The following BCAS3 variants were observed in gnomAD, a reference collection of about 807,000 sequenced individuals.
The protein encoded by BCAS3 is BCAS4/BCAS3 fusion.
Under a neutral mutation model 116.1 loss-of-function variants are expected in BCAS3, and 53 were observed. The ratio of observed to expected loss-of-function variants is 0.46; its 90% confidence interval spans 0.37 to 0.57. The LOEUF is 0.57. BCAS3 is among the 20% of genes least tolerant of loss of function. The pLI is 0.00. For synonymous variants in BCAS3, 391 were observed against 408.2 expected (o/e 0.96, Z 0.51); for missense variants, 917 against 1,165.4 (o/e 0.79, Z 3.10).
At chr17:60,725,340 C>T (rs1489601633) in intron 5 of BCAS3, among the ~76,000 whole-genome samples, 2 of 152,140 alleles carry the variant, frequency 1.3e-5, no homozygotes, top group East Asian at 3.8e-4. Context: ...TTGCTCTTTG[C>T]TTTAAATCTA....
At chr17:61,070,125 T>G in intron 19 of BCAS3, 2 of 1,573,070 alleles carry the variant, frequency 1.3e-6, no homozygotes, top group Non-Finnish European at 1.7e-6. Context: ...CCACTGAGTC[T>G]GCCATGAAGA....
At chr17:60,797,690 C>T (rs757361655) in intron 6 of BCAS3, among the ~76,000 whole-genome samples, 8 of 152,094 alleles carry the variant, frequency 5.3e-5, no homozygotes, top group Non-Finnish European at 1.0e-4. Context: ...CCTAGCCCCC[C>T]ACCTCCCGAC....
chr17:60,742,426 CTTTTTTT>C (rs1173664552), intron 5 of BCAS3, among the ~76,000 whole-genome samples: 19 of 103,450 alleles, frequency 1.8e-4, no homozygotes, highest in Non-Finnish European at 2.1e-4. Context: ...TCCTTGACAT[CTTTTTTT>C]TTTTTTTTTT....
intron 22 of BCAS3, among the ~76,000 whole-genome samples, chr17:61,125,075 C>A (rs564923495): frequency 1.3e-5 from 2 of 152,108 alleles, no homozygotes; most frequent in African/African-American, 4.8e-5. Context: ...AAATAATCAA[C>A]CTTTAATTTT....
At chr17:60,685,990 C>T (rs1339224613) in intron 3 of BCAS3, among the ~76,000 whole-genome samples, 1 of 151,926 alleles carries the variant, frequency 6.6e-6, no homozygotes, top group Non-Finnish European at 1.5e-5. Flanking sequence ...CTGCCTCAGC[C>T]TCCCGAGTAG....
At chr17:60,959,916 C>CT (rs1362643159) in intron 14 of BCAS3, among the ~76,000 whole-genome samples, 3 of 152,182 alleles carry the variant, frequency 2.0e-5, no homozygotes, top group African/African-American at 7.2e-5. Context: ...CACTCAGTCT[C>CT]TGTCTCTCTG....
At chr17:61,168,497 T>TTA (rs1314498454) in intron 22 of BCAS3, among the ~76,000 whole-genome samples, 1 of 152,216 alleles carries the variant, frequency 6.6e-6, no homozygotes, top group East Asian at 1.9e-4. Context: ...TCTCACCTTT[T>TTA]CAAATATTTA....
rs948648199 is a variant in BCAS3 at position 61,051,335 on chromosome 17, G to A, written c.2029+10443G>A. Among the ~76,000 whole-genome samples, 3 of 150,434 alleles carry A rather than the reference G, an allele frequency of 2.0e-5. No homozygotes were observed. The highest frequency in any genetic ancestry group is 4.5e-5 in the Non-Finnish European group (3 of 66,968). ...TGTGGCTATATAGAGTTATTACAAGGTTGATCTTTGTGGTGATAGGACAGT... is the reference window on the plus strand; with the variant it reads ...TGTGGCTATATAGAGTTATTACAAGATTGATCTTTGTGGTGATAGGACAGT... On this transcript the variant is annotated intron_variant, in intron 19 of 23. Coordinates refer to ENST00000407086, the MANE Select transcript of BCAS3 (RefSeq NM_017679.5). This position sits in a 1 kb window ranked among gnomAD's most constrained non-coding sequence, Gnocchi z 4.1.
At chr17:60,822,113 T>C (rs866511867) in intron 7 of BCAS3, among the ~76,000 whole-genome samples, 97 of 152,230 alleles carry the variant, frequency 6.4e-4, no homozygotes, top group African/African-American at 2.2e-3. Context: ...TTTCCTTTTC[T>C]CTTGACCAGA....
intron 5 of BCAS3, among the ~76,000 whole-genome samples, chr17:60,715,400 G>T (rs1303130312): frequency 6.6e-6 from 1 of 150,764 alleles, no homozygotes; most frequent in Admixed American, 6.6e-5. Flanking sequence ...ACCTCCCAAC[G>T]TGTATACTCT....
At chr17:60,805,794 T>C (rs1455280829) in intron 6 of BCAS3, among the ~76,000 whole-genome samples, 57 of 149,430 alleles carry the variant, frequency 3.8e-4, no homozygotes, top group Non-Finnish European at 1.5e-5. Flanking sequence ...GCCATGGCAC[T>C]CCAGCCTGGG....
At position 61,388,707 on chromosome 17, in the gene BCAS3, A is replaced by C; in HGVS notation, c.2594-3270A>C. On this transcript the variant is annotated intron_variant, in intron 23 of 23. Coordinates refer to ENST00000407086, the MANE Select transcript of BCAS3 (RefSeq NM_017679.5). The surrounding 1 kb of genome is among the most constrained non-coding windows in gnomAD (Gnocchi z 6.5). ...CAAAGCATGCGTTCGGGATGGAGGA[A>C]GGTAAGGCCACACGTTTCCATTTGC... 1 of 1,548,514 alleles carries C rather than the reference A, an allele frequency of 6.5e-7. No homozygotes were observed. Among genetic ancestry groups the C allele is most frequent in the Non-Finnish European group, 8.7e-7 (1 of 1,154,810 alleles).
Position 61,222,673 on chromosome 17 carries a change from T to G in BCAS3, c.2425+138109T>G, listed in dbSNP as rs979401185. ...TGATTTATGTCACGTGGTATATGGG[T>G]TTTTTTTGTTTGTTTGTTTAATTTT... On this transcript the variant is annotated intron_variant, in intron 22 of 23. Coordinates refer to ENST00000407086, the MANE Select transcript of BCAS3 (RefSeq NM_017679.5). This position sits in a 1 kb window ranked among gnomAD's most constrained non-coding sequence, Gnocchi z 6.1. Among the ~76,000 whole-genome samples the G allele has an allele frequency of 1.4e-4, 21 of 151,696 alleles. No individual in the cohort carries two copies. Among genetic ancestry groups the G allele is most frequent in the South Asian group, 2.1e-4 (1 of 4,696 alleles).
chr17:61,006,081 AATG>A (rs2064683692), intron 15 of BCAS3, among the ~76,000 whole-genome samples: 1 of 152,040 alleles, frequency 6.6e-6, no homozygotes, highest in Non-Finnish European at 1.5e-5. Flanking sequence ...GTTTACTGAG[AATG>A]ATGATTTCCA....
In BCAS3 at chr17:61,180,678, T is replaced by C. The variant is rs1471754336; in HGVS notation, c.2425+96114T>C. 1.3e-5 allele frequency among the ~76,000 whole-genome samples: 2 copies of C among 152,336 alleles called. No individual in the cohort carries two copies. Among genetic ancestry groups the C allele is most frequent in the African/African-American group, 2.4e-5 (1 of 41,578 alleles). On this transcript the variant is annotated intron_variant, in intron 22 of 23. Transcript: ENST00000407086. This position sits in a 1 kb window ranked among gnomAD's most constrained non-coding sequence, Gnocchi z 6.0. ...TGTCTGAGGAGCATCAGTCCCATGC[T>C]TCGTGTCTGCACAGTGGAACATAAA...
At chr17:61,179,841 T>C (rs2079372196) in intron 22 of BCAS3, among the ~76,000 whole-genome samples, 1 of 150,160 alleles carries the variant, frequency 6.7e-6, no homozygotes, top group South Asian at 2.1e-4. Flanking sequence ...AGAAAACTAC[T>C]GGTAAAATAT....
At chr17:61,295,498 G>T (rs1351308508) in intron 22 of BCAS3, among the ~76,000 whole-genome samples, 1 of 152,116 alleles carries the variant, frequency 6.6e-6, no homozygotes, top group African/African-American at 2.4e-5. Context: ...TCTGCCAGGG[G>T]AACTCCTTTC....
At chr17:60,944,047 A>C (rs898650668) in intron 13 of BCAS3, among the ~76,000 whole-genome samples, 1 of 152,086 alleles carries the variant, frequency 6.6e-6, no homozygotes, top group Non-Finnish European at 1.5e-5. Flanking sequence ...TCCTGAAACA[A>C]TAATCTAAGC....
intron 16 of BCAS3, among the ~76,000 whole-genome samples, chr17:61,025,645 G>T (rs1172653168): frequency 6.6e-6 from 1 of 152,014 alleles, no homozygotes; most frequent in East Asian, 1.9e-4. Context: ...ACATCGTACC[G>T]CTGGGTATGT....
Sources: gnomAD v4.1 joint callset for allele counts (sites outside exome capture counted in the v4.1 genomes callset) on GRCh38, gnomAD v4.1.1 for gene constraint, Gnocchi (gnomAD v3.1) non-coding constraint, MANE v1.5 for transcripts, NCBI Gene and HGNC (gene_info 2026-07-23, HGNC 2026-07-21) for gene names.